FBP2: variants seen among roughly 807,000 people sequenced by gnomAD.
FBP2 encodes the protein fructose-bisphosphatase 2, also known as fructose-1,6-bisphosphatase isozyme 2.
FBP2 carries 27 observed loss-of-function variants against 31.6 expected under a neutral mutation model. The observed-to-expected ratio is 0.85, with a 90% CI of 0.63 to 1.18. The LOEUF is 1.18. Ranked by LOEUF, FBP2 falls within the 50% of genes most tolerant of loss-of-function variation. The pLI is 0.00. For missense variants in FBP2, 421 were observed against 436.1 expected, an observed-to-expected ratio of 0.97 and a Z score of 0.31; for synonymous variants, 168 against 179.8, an observed-to-expected ratio of 0.93 and a Z score of 0.53.
At chr9:94,570,398 A>G (rs905647547) in intron 4 of FBP2, 6 of 152,178 alleles carry the variant, frequency 3.9e-5, no homozygotes, top group Non-Finnish European at 8.8e-5. Flanking sequence ...TCTACGCCTC[A>G]CTTTCCCCAT....
intron 3 of FBP2, among the ~76,000 whole-genome samples, chr9:94,578,979 G>C (rs1244124777): frequency 6.9e-6 from 1 of 144,414 alleles, no homozygotes; most frequent in Admixed American, 7.0e-5. Context: ...CGTGAACCCG[G>C]AAGGCGGAGC....
At chr9:94,570,076 G>C (rs761784549) in intron 4 of FBP2, 11 of 152,202 alleles carry the variant, frequency 7.2e-5, no homozygotes, top group Non-Finnish European at 1.5e-4. Context: ...AAGATGCTAT[G>C]GTTCATCTCT....
At chr9:94,587,873 G>A (rs1255244877) in intron 1 of FBP2, among the ~76,000 whole-genome samples, 1 of 151,904 alleles carries the variant, frequency 6.6e-6, no homozygotes, top group African/African-American at 2.4e-5. Flanking sequence ...TTTTGAAACG[G>A]AGTCTTGCTC....
At chr9:94,591,914 C>T (rs1827508354) in intron 1 of FBP2, among the ~76,000 whole-genome samples, 1 of 152,204 alleles carries the variant, frequency 6.6e-6, no homozygotes, top group Non-Finnish European at 1.5e-5. Flanking sequence ...CACTTTGTCT[C>T]CTTGCTCAAC....
In FBP2 at chr9:94,586,203, C is replaced by T. The variant is rs185710547; in HGVS notation, c.333+1104G>A. Among the ~76,000 whole-genome samples, 63 of 152,124 alleles carry T rather than the reference C, an allele frequency of 4.1e-4. 2 individuals carry two copies. The East Asian group carries it at 0.011, about 27-fold the overall frequency. ...CAGCCTGGCCAACATGGCGAAACCCCGTCTCTACTAAAAACACAAAAATTA... is the reference window on the plus strand; with the variant it reads ...CAGCCTGGCCAACATGGCGAAACCCTGTCTCTACTAAAAACACAAAAATTA... On this transcript the variant is annotated intron_variant, in intron 2 of 6. Coordinates refer to ENST00000375337, the MANE Select transcript of FBP2 (RefSeq NM_003837.4).
At chr9:94,586,537 T>C (rs1036042683) in intron 2 of FBP2, 19 of 152,120 alleles carry the variant, frequency 1.2e-4, no homozygotes, top group African/African-American at 4.6e-4. Context: ...TTGGAAGTAA[T>C]AGTGTGATGT....
intron 2 of FBP2, among the ~76,000 whole-genome samples, chr9:94,585,268 A>T (rs183907004): frequency 2.4e-3 from 370 of 152,192 alleles, no homozygotes; most frequent in Middle Eastern, 6.8e-3. Context: ...CCAATTTTTT[A>T]AAAAAAAATC....
chr9:94,563,102 C>T (rs1827133327), intron 6 of FBP2, among the ~76,000 whole-genome samples: 2 of 152,192 alleles, frequency 1.3e-5, no homozygotes, highest in African/African-American at 4.8e-5. Context: ...GGGTGTGAGG[C>T]TGGAGGGGGT....
At chr9:94,585,843 TCAAG>T (rs1400131607) in intron 2 of FBP2, among the ~76,000 whole-genome samples, 2 of 151,708 alleles carry the variant, frequency 1.3e-5, no homozygotes, top group Non-Finnish European at 2.9e-5. Flanking sequence ...ACTCCTGAGC[TCAAG>T]CAATTCTCCC....
rs369503726 is a variant in FBP2, at chr9:94,571,475, A to G, written c.554T>C (p.Phe185Ser). ...ALSTGQGVDL[F>S]MLDPALGEFV... ...TTCTGTACCTACCGGGTCAAGCATG[A>G]AGAGGTCCACGCCTTGCCCTGTGGA... The change falls in exon 4 of 7, where the codon TTC (phenylalanine) becomes TCC (serine). Residue 185 changes from phenylalanine (F) to serine (S), a missense_variant. Physicochemically the swap from Phe to Ser is radical, Grantham distance 155 (BLOSUM62 -2). Coordinates refer to ENST00000375337, the MANE Select transcript of FBP2 (RefSeq NM_003837.4). 8.1e-6 allele frequency: 13 copies of G among 1,612,144 alleles called. No individual in the cohort carries two copies. Among genetic ancestry groups the G allele is most frequent in the Non-Finnish European group, 1.1e-5 (13 of 1,179,148 alleles).
At chr9:94,579,397 CAAAAA>C (rs35098649) in intron 3 of FBP2, among the ~76,000 whole-genome samples, 3 of 66,750 alleles carry the variant, frequency 4.5e-5, no homozygotes, top group South Asian at 1.4e-3. Flanking sequence ...GACTCTGTCT[CAAAAA>C]AAAAAAAAAA....
chr9:94,573,619 TG>T (rs1827290468), intron 3 of FBP2, among the ~76,000 whole-genome samples: 1 of 152,212 alleles, frequency 6.6e-6, no homozygotes, highest in South Asian at 2.1e-4. Flanking sequence ...GTTGATATGG[TG>T]GATTACACTG....
chr9:94,566,822 T>G (rs563640891), intron 5 of FBP2, among the ~76,000 whole-genome samples: 13 of 152,226 alleles, frequency 8.5e-5, no homozygotes, highest in Non-Finnish European at 1.3e-4. Flanking sequence ...TTGATGGAGC[T>G]TATGTTGAGA....
intron 3 of FBP2, among the ~76,000 whole-genome samples, chr9:94,578,306 C>G (rs1422774203): frequency 6.6e-6 from 1 of 152,188 alleles, no homozygotes; most frequent in African/African-American, 2.4e-5. Context: ...GAGGTTCTTA[C>G]TTAGGTGTTC....
rs1827051754 is a variant in FBP2 at position 94,558,999 on chromosome 9, C to G, written c.959G>C (p.Gly320Ala). The change falls in exon 7 of 7, where the codon GGG becomes GCG. Residue 320 changes from glycine (G) to alanine (A), a missense_variant. Coordinates refer to ENST00000375337, the MANE Select transcript of FBP2 (RefSeq NM_003837.4). The stretch of plus-strand genomic sequence containing the variant: ...ATATTCCTGCACATCCTCTGGTGAC[C>G]CCAGAATGAGGGGGACTCGCTGGTG... Reference protein sequence around the residue: ...AIHQRVPLILGSPEDVQEYLT... With the variant: ...AIHQRVPLILASPEDVQEYLT... The G allele has an allele frequency of 1.9e-6, 3 of 1,613,912 alleles. No individual in the cohort carries two copies. Among genetic ancestry groups the G allele is most frequent in the Admixed American group, 3.3e-5 (2 of 59,994 alleles).
chr9:94,558,722 T>G lies in FBP2; in HGVS notation c.*216A>C. 2 of 530,006 alleles carry G rather than the reference T, an allele frequency of 3.8e-6. No individual in the cohort carries two copies. The highest frequency in any genetic ancestry group is 3.4e-6 in the Non-Finnish European group (1 of 297,484). The allele number at this position is 530,006 out of a possible 1,614,324, so 32.8% of individuals were successfully genotyped here. The stretch of plus-strand genomic sequence containing the variant: ...CAGAAGACAAGCCAAAGTCGCACTT[T>G]CCACATGTGGGTTTTTATTTCTAGT... On this transcript the variant is annotated 3_prime_UTR_variant, in exon 7 of 7. Coordinates refer to ENST00000375337, the MANE Select transcript of FBP2 (RefSeq NM_003837.4).
intron 3 of FBP2, among the ~76,000 whole-genome samples, chr9:94,572,065 C>T (rs1827275574): frequency 6.6e-6 from 1 of 152,144 alleles, no homozygotes; most frequent in Non-Finnish European, 1.5e-5. Flanking sequence ...CCTACTGCAG[C>T]TGGAGCGGCT....
intron 1 of FBP2, among the ~76,000 whole-genome samples, chr9:94,591,365 C>T (rs1306414419): frequency 6.6e-6 from 1 of 152,240 alleles, no homozygotes; most frequent in Non-Finnish European, 1.5e-5. Context: ...ACTCAGTACA[C>T]CCTCCGCAGC....
Position 94,579,352 on chromosome 9 carries a change from T to C in FBP2, c.426+5225A>G, listed in dbSNP as rs559660777. 3.2e-4 allele frequency among the ~76,000 whole-genome samples: 44 copies of C among 136,366 alleles called. No homozygotes were observed. The South Asian group carries it at 6.7e-3, about 21-fold the overall frequency. The allele number at this position is 136,366 out of a possible 152,430, so 89.5% of individuals were successfully genotyped here. A position where few individuals can be genotyped will look rare whatever the true frequency, so the allele number is the denominator to read the frequency against. On this transcript the variant is annotated intron_variant, in intron 3 of 6. Transcript: ENST00000375337. ...GGCGGAGCTTGCAGTGAGCCGAGAT[T>C]ATGCCACCGCACTCCAGCCTGGGCG... is the stretch of plus-strand genomic sequence containing the variant.
Sources: gnomAD v4.1 joint callset for allele counts (sites outside exome capture counted in the v4.1 genomes callset) on GRCh38, gnomAD v4.1.1 for gene constraint, MANE v1.5 for transcripts, NCBI Gene and HGNC (gene_info 2026-07-23, HGNC 2026-07-21) for gene names.